The following CBL variants were observed in gnomAD, a reference collection of about 807,000 sequenced individuals.
CBL encodes E3 ubiquitin-protein ligase CBL.
CBL carries 45 observed loss-of-function variants against 96.9 expected under a neutral mutation model. The observed-to-expected ratio is 0.46, with a 90% CI of 0.37 to 0.60. The LOEUF (loss-of-function observed/expected upper bound fraction) is 0.60. Ranked by LOEUF, CBL falls within the 20% of genes least tolerant of loss-of-function variation. The pLI is 0.00. For synonymous variants in CBL, 420 were observed against 426.8 expected, an observed-to-expected ratio of 0.98 and a Z score of 0.20; for missense variants, 1,024 against 1,143.5, an observed-to-expected ratio of 0.90 and a Z score of 1.51.
At chr11:119,219,381 A>G (rs1949389681) in intron 1 of CBL, among the ~76,000 whole-genome samples, 1 of 151,668 alleles carries the variant, frequency 6.6e-6, no homozygotes, top group Non-Finnish European at 1.5e-5. Context: ...TGTCTCAAAA[A>G]AAAAAAAAAG....
chr11:119,217,032 C>T (rs1949367311), intron 1 of CBL, among the ~76,000 whole-genome samples: 1 of 152,162 alleles, frequency 6.6e-6, no homozygotes, highest in Non-Finnish European at 1.5e-5. Context: ...TTTACATCTG[C>T]AGATAAGTTC....
At chr11:119,212,648 G>GAATAAATA (rs1011779107) in intron 1 of CBL, among the ~76,000 whole-genome samples, 1 of 151,354 alleles carries the variant, frequency 6.6e-6, no homozygotes, top group African/African-American at 2.4e-5. Flanking sequence ...ATGAATGAAT[G>GAATAAATA]AATAAATAAA....
Position 119,307,588 on chromosome 11 carries a change from A to C in CBL, c.*7807A>C, listed in dbSNP as rs922914580. ...GAAGCCTGTCCTCAGTAATGTGACTATAGTGAGCTTTAGCAAAAGTTTTTC... is the reference window on the plus strand; with the variant it reads ...GAAGCCTGTCCTCAGTAATGTGACTCTAGTGAGCTTTAGCAAAAGTTTTTC... On this transcript the variant is annotated 3_prime_UTR_variant, in exon 16 of 16. Transcript: ENST00000264033. 1 of 232,096 alleles carries C rather than the reference A, an allele frequency of 4.3e-6. No individual in the cohort carries two copies. Among genetic ancestry groups the C allele is most frequent in the Admixed American group, 5.6e-5 (1 of 17,718 alleles). 14.4% of individuals were successfully genotyped at this position (232,096 alleles called of 1,614,324 possible). A position where few individuals can be genotyped will look rare whatever the true frequency, so the allele number is the denominator to read the frequency against.
At chr11:119,239,219 T>C (rs1949567389) in intron 2 of CBL, among the ~76,000 whole-genome samples, 1 of 152,100 alleles carries the variant, frequency 6.6e-6, no homozygotes, top group Admixed American at 6.6e-5. Flanking sequence ...AATCTGCCCA[T>C]CTCCACCTCA....
rs1949908927 is a variant in CBL at position 119,278,613 on chromosome 11, G to T, written c.1331G>T (p.Arg444Met). 1 of 1,613,954 alleles carries T rather than the reference G, an allele frequency of 6.2e-7. No homozygotes were observed. The highest frequency in any genetic ancestry group is 8.5e-7 in the Non-Finnish European group (1 of 1,179,988). Residue 444 changes from arginine (R) to methionine (M), a missense_variant, in exon 9 of 16, where the codon AGG becomes ATG. By Grantham distance (91) the Arg-to-Met change is moderately conservative. Transcript: ENST00000264033. Reference protein sequence around the residue: ...FDPRGSGSLLRQGAEGAPSPN... With the variant: ...FDPRGSGSLLMQGAEGAPSPN... Reference sequence around the variant, plus strand: ...CCTAGAGGGAGTGGCAGCCTGTTGAGGCAAGGAGCAGAGGGAGCTCCCTCC... The same window carrying T: ...CCTAGAGGGAGTGGCAGCCTGTTGATGCAAGGAGCAGAGGGAGCTCCCTCC...
intron 3 of CBL, 56 bp from the exon 4 acceptor site, chr11:119,273,812 T>C: frequency 6.8e-7 from 1 of 1,480,280 alleles, no homozygotes; most frequent in Non-Finnish European, 9.4e-7. Flanking sequence ...ATTATGGCGA[T>C]GCCTGGAATT....
chr11:119,299,934 G>A lies in CBL; in HGVS notation c.*153G>A. The A allele has an allele frequency of 1.3e-6, 1 of 783,382 alleles. No homozygotes were observed. Among genetic ancestry groups the A allele is most frequent in the Non-Finnish European group, 2.2e-6 (1 of 452,708 alleles). The allele number at this position is 783,382 out of a possible 1,614,324, so 48.5% of individuals were successfully genotyped here. ...ACATCAGTGGTTCCAAGATTTCAAA[G>A]TGGTGAAATGAAAATGGAGCAGCTA... On this transcript the variant is annotated 3_prime_UTR_variant, in exon 16 of 16. Coordinates refer to ENST00000264033, the MANE Select transcript of CBL (RefSeq NM_005188.4).
At chr11:119,287,483 T>C (rs1262598825) in intron 11 of CBL, among the ~76,000 whole-genome samples, 7 of 152,178 alleles carry the variant, frequency 4.6e-5, no homozygotes, top group African/African-American at 1.2e-4. Context: ...ATAGCCTAAT[T>C]AGTGAGTGTG....
intron 12 of CBL, among the ~76,000 whole-genome samples, chr11:119,292,481 C>T (rs1347671766): frequency 1.3e-5 from 2 of 151,178 alleles, no homozygotes; most frequent in South Asian, 4.2e-4. Flanking sequence ...AGTGCAGTGG[C>T]GCAGTCTTGG....
intron 1 of CBL, among the ~76,000 whole-genome samples, chr11:119,213,140 A>T (rs931793406): frequency 6.6e-6 from 1 of 151,918 alleles, no homozygotes; most frequent in African/African-American, 2.4e-5. Flanking sequence ...AAAGATGATT[A>T]TTTCCTTCCT....
Position 119,278,293 on chromosome 11 carries a change from G to C in CBL, c.1223G>C (p.Trp408Ser), listed in dbSNP as rs1949905512. Reference protein sequence around the residue: ...HLMCTSCLTSWQESEGQGCPF... With the variant: ...HLMCTSCLTSSQESEGQGCPF... The stretch of plus-strand genomic sequence containing the variant: ...ATGTGCACATCCTGTCTTACATCCT[G>C]GCAGGTACGGATCTAAACAGCGACT... Residue 408 changes from tryptophan to serine, a missense_variant, in exon 8 of 16, where the codon TGG becomes TCG. Physicochemically the swap from Trp to Ser is radical, Grantham distance 177. Around this residue, in one of 4 missense-constraint regions of CBL, gnomAD observed 695 missense variants for 661.6 expected, o/e 1.05. Coordinates refer to ENST00000264033, the MANE Select transcript of CBL (RefSeq NM_005188.4). 6.2e-7 allele frequency: 1 copy of C among 1,613,898 alleles called. No homozygotes were observed. Among genetic ancestry groups the C allele is most frequent in the Non-Finnish European group, 8.5e-7 (1 of 1,179,942 alleles).
At chr11:119,275,283 A>G (rs1024285959) in intron 5 of CBL, among the ~76,000 whole-genome samples, 2 of 152,050 alleles carry the variant, frequency 1.3e-5, no homozygotes, top group Non-Finnish European at 2.9e-5. Context: ...TACTAAAAAT[A>G]CAAAAATTAT....
At chr11:119,228,313 A>C (rs564471589) in intron 1 of CBL, among the ~76,000 whole-genome samples, 1 of 152,028 alleles carries the variant, frequency 6.6e-6, no homozygotes, top group African/African-American at 2.4e-5. Context: ...GGGTTTTGCA[A>C]TGTTGTCCAG....
chr11:119,206,484 G>A lies in CBL; in HGVS notation c.67G>A (p.Gly23Ser). Residue 23 changes from glycine (G) to serine (S), a missense_variant, in exon 1 of 16, where the codon GGT becomes AGT. Gly to Ser is a moderately conservative substitution (Grantham distance 56). This residue lies in a region of CBL where 114 missense variants were observed against 117.4 expected (regional missense o/e 0.97). Transcript: ENST00000264033. ...CAGCGGCTCCGGGGGCTCGGGTTCG[G>A]GTGGCCTGATTGGGCTCATGAAGGA... ...GGSGSGGSGS[G>S]GLIGLMKDAF... 6.4e-7 allele frequency: 1 copy of A among 1,574,688 alleles called. No individual in the cohort carries two copies. The highest frequency in any genetic ancestry group is 8.6e-7 in the Non-Finnish European group (1 of 1,162,942).
At chr11:119,214,803 T>C (rs1458998009) in intron 1 of CBL, among the ~76,000 whole-genome samples, 1 of 151,928 alleles carries the variant, frequency 6.6e-6, no homozygotes, top group Non-Finnish European at 1.5e-5. Flanking sequence ...CATCTCTCTC[T>C]CTCGCCCATT....
chr11:119,297,530 T>C, intron 14 of CBL, 49 bp downstream of exon 14: 1 of 1,348,908 alleles, frequency 7.4e-7, no homozygotes, highest in Non-Finnish European at 1.1e-6. Context: ...GTCATAGGAA[T>C]GAACATGTAA....
chr11:119,269,191 G>A (rs1203070043), intron 2 of CBL, among the ~76,000 whole-genome samples: 1 of 150,780 alleles, frequency 6.6e-6, no homozygotes, highest in African/African-American at 2.4e-5. Context: ...ATAATCAAAG[G>A]ATCTCAAGGT....
chr11:119,298,878 A>G (rs1424594482), intron 15 of CBL, among the ~76,000 whole-genome samples: 1 of 152,050 alleles, frequency 6.6e-6, no homozygotes. Flanking sequence ...GTTCCATTGG[A>G]AAGAAGGCAT....
chr11:119,251,902 A>G (rs967301541), intron 2 of CBL, among the ~76,000 whole-genome samples: 1 of 152,202 alleles, frequency 6.6e-6, no homozygotes, highest in African/African-American at 2.4e-5. Context: ...AAATTAGGAC[A>G]TCTTAAAGAA....
Sources: gnomAD v4.1 joint callset for allele counts (sites outside exome capture counted in the v4.1 genomes callset) on GRCh38, gnomAD v4.1.1 for gene constraint, gnomAD v4.1.1 regional missense constraint, MANE v1.5 for transcripts, NCBI Gene and HGNC (gene_info 2026-07-23, HGNC 2026-07-21) for gene names.